The following USP40 variants were observed in gnomAD, a reference collection of about 807,000 sequenced individuals.
USP40 encodes the protein ubiquitin carboxyl-terminal hydrolase 40.
A neutral mutation model predicts 166.2 loss-of-function variants in USP40; 143 were observed. The ratio of observed to expected loss-of-function variants is 0.86; its 90% CI spans 0.75 to 0.99. The LOEUF (loss-of-function observed/expected upper bound fraction) is 0.99. USP40 is among the 50% of genes least tolerant of loss of function. USP40 has a pLI of 0.00. For missense variants in USP40, 1,444 were observed against 1,479.7 expected, an observed-to-expected ratio of 0.98 and a Z score of 0.40; for synonymous variants, 498 against 524.0, an observed-to-expected ratio of 0.95 and a Z score of 0.68.
Position 233,499,887 on chromosome 2 carries a change from C to T in USP40, c.2642G>A (p.Gly881Asp). ...DCLKLMLKKSGLQGDAWHLRK... is the reference protein window; with the variant it reads ...DCLKLMLKKSDLQGDAWHLRK... ...CATGGTAAGTAACTTACCTTGTAGG[C>T]CAGATTTCTTCAGCATTAACTTTAA... Residue 881 changes from glycine to aspartate, a missense_variant, in exon 22 of 32, where the codon GGC (glycine) becomes GAC (aspartate). Gly to Asp is a moderately conservative substitution (Grantham distance 94). Transcript: ENST00000678225. The T allele has an allele frequency of 6.2e-7, 1 of 1,611,410 alleles. No homozygotes were observed. The highest frequency in any genetic ancestry group is 2.2e-5 in the East Asian group (1 of 44,812).
intron 7 of USP40, among the ~76,000 whole-genome samples, chr2:233,550,083 CAA>C (rs2125350066): frequency 6.6e-6 from 1 of 152,214 alleles, no homozygotes; most frequent in Admixed American, 6.5e-5. Context: ...CGTCTAAACT[CAA>C]GTCAGTGCTC....
chr2:233,495,531 A>G (rs2065695925), intron 24 of USP40, among the ~76,000 whole-genome samples: 1 of 152,160 alleles, frequency 6.6e-6, no homozygotes, highest in Admixed American at 6.5e-5. Context: ...TACTGGAATT[A>G]CAGGCATCAG....
In USP40 at chr2:233,529,452, T is replaced by A; in HGVS notation, c.1532A>T (p.Asn511Ile). ...CHLLNEMDAA[N>I]IELQTKRAEC... Reference sequence around the variant, plus strand: ...TTACCTTTTGGTTTGCAGTTCAATGTTAGCTGCATCCATTTCATTCAGTAA... The same window carrying A: ...TTACCTTTTGGTTTGCAGTTCAATGATAGCTGCATCCATTTCATTCAGTAA... Residue 511 changes from asparagine (N) to isoleucine (I), a missense_variant, in exon 12 of 32, where the codon AAC (asparagine) becomes ATC (isoleucine). Coordinates refer to ENST00000678225, the MANE Select transcript of USP40 (RefSeq NM_001365479.2). The A allele has an allele frequency of 6.3e-7, 1 of 1,578,016 alleles. No homozygotes were observed. Among genetic ancestry groups the A allele is most frequent in the South Asian group, 1.2e-5 (1 of 86,362 alleles).
At chr2:233,533,253 T>A (rs2068682593) in intron 11 of USP40, among the ~76,000 whole-genome samples, 1 of 152,190 alleles carries the variant, frequency 6.6e-6, no homozygotes, top group Non-Finnish European at 1.5e-5. Context: ...GTAATGATGA[T>A]CTTACATTAT....
At chr2:233,552,531 T>C (rs2070673786) in intron 6 of USP40, among the ~76,000 whole-genome samples, 1 of 152,256 alleles carries the variant, frequency 6.6e-6, no homozygotes, top group East Asian at 1.9e-4. Flanking sequence ...CAAAAGGTTC[T>C]TATTTTGTAA....
At chr2:233,525,592 T>A in intron 13 of USP40, 30 bp from the exon 14 acceptor site, 2 of 1,548,336 alleles carry the variant, frequency 1.3e-6, no homozygotes, top group Non-Finnish European at 8.9e-7. Flanking sequence ...GAAAAGAGAA[T>A]GTTGAAAAGT....
intron 30 of USP40, among the ~76,000 whole-genome samples, chr2:233,483,518 T>C (rs78774545): frequency 0.055 from 8,341 of 152,182 alleles, 616 homozygotes; most frequent in African/African-American, 0.17. Flanking sequence ...AATCCTTAAC[T>C]TGAAGTCAAA....
At chr2:233,520,869 C>T (rs1055530571) in intron 17 of USP40, 122 bp downstream of exon 17, 1 of 1,063,076 alleles carries the variant, frequency 9.4e-7, no homozygotes, top group Non-Finnish European at 1.3e-6. Context: ...AAATAAAAAG[C>T]TGACTTCCTA....
chr2:233,482,088 G>A (rs1398798508), intron 30 of USP40, among the ~76,000 whole-genome samples: 1 of 152,206 alleles, frequency 6.6e-6, no homozygotes, highest in African/African-American at 2.4e-5. Context: ...CTCTGCAGGA[G>A]GGTCTGGCTA....
At position 233,494,978 on chromosome 2, in the gene USP40, A is replaced by AT. The variant is rs1559224554; in HGVS notation, c.2791-1428dup. Among the ~76,000 whole-genome samples the AT allele has an allele frequency of 3.7e-5, 4 of 107,080 alleles. 1 individual carries two copies. The highest frequency in any genetic ancestry group is 1.7e-4 in the African/African-American group (4 of 23,668). 70.2% of individuals were successfully genotyped at this position (107,080 alleles called of 152,430 possible). ...TATTTATATATATATATATATATAT[A>AT]TACACACACATAAAAAATAAATAAA... On this transcript the variant is annotated intron_variant, in intron 24 of 31. Transcript: ENST00000678225.
At position 233,493,581 on chromosome 2, in the gene USP40, G is replaced by T; in HGVS notation, c.2791-30C>A. 1 of 1,575,152 alleles carries T rather than the reference G, an allele frequency of 6.3e-7. No homozygotes were observed. The highest frequency in any genetic ancestry group is 8.6e-7 in the Non-Finnish European group (1 of 1,158,488). On this transcript the variant is annotated intron_variant, in intron 24 of 31. Coordinates refer to ENST00000678225, the MANE Select transcript of USP40 (RefSeq NM_001365479.2). The surrounding 1 kb of genome is among the most constrained non-coding windows in gnomAD (Gnocchi z 4.7). The stretch of plus-strand genomic sequence containing the variant: ...AGAATGGAGCATGTTTAACTGCTGT[G>T]ATTACAAAGATTAAGTGAAACTCTA...
intron 12 of USP40, among the ~76,000 whole-genome samples, 193 bp downstream of exon 12, chr2:233,529,238 A>T (rs1325281360): frequency 2.8e-4 from 42 of 152,072 alleles, no homozygotes; most frequent in Non-Finnish European, 2.9e-5. Context: ...CATTTAATTC[A>T]CTCTCACACA....
In USP40 at chr2:233,559,798, C is replaced by G. The variant is rs746184133; in HGVS notation, c.381+13G>C. 11 of 1,572,854 alleles carry G rather than the reference C, an allele frequency of 7.0e-6. No homozygotes were observed. The highest frequency in any genetic ancestry group is 9.5e-6 in the Non-Finnish European group (11 of 1,153,700). ...TTGCTGGTAACTCTTCCTTAAAGAG[C>G]TGATCCTCGTACCTCATTACTGGTC... On this transcript the variant is annotated intron_variant, in intron 4 of 31. Coordinates refer to ENST00000678225, the MANE Select transcript of USP40 (RefSeq NM_001365479.2).
In USP40 at chr2:233,491,237, T is replaced by A; in HGVS notation, c.2942A>T (p.Gln981Leu). The change falls in exon 26 of 32, where the codon CAA becomes CTA. Residue 981 changes from glutamine (Q) to leucine (L), a missense_variant. By Grantham distance (113) the Gln-to-Leu change is moderately radical. Coordinates refer to ENST00000678225, the MANE Select transcript of USP40 (RefSeq NM_001365479.2). Reference sequence around the variant, plus strand: ...GTCTCCCAAGTAGAGGAGAGAAACTTGCGCAGGCTCGTTCCCAGAAGCACC... The same window carrying A: ...GTCTCCCAAGTAGAGGAGAGAAACTAGCGCAGGCTCGTTCCCAGAAGCACC... ...SQGASGNEPA[Q>L]VSLLYLGDIE... is the part of the protein sequence containing the mutation. 1 of 1,612,270 alleles carries A rather than the reference T, an allele frequency of 6.2e-7. No homozygotes were observed. The highest frequency in any genetic ancestry group is 8.5e-7 in the Non-Finnish European group (1 of 1,179,208).
chr2:233,559,981 T>C, intron 3 of USP40, 57 bp from the exon 4 acceptor site: 1 of 1,326,960 alleles, frequency 7.5e-7, no homozygotes, highest in Non-Finnish European at 1.0e-6. Flanking sequence ...ACTAAGGCTT[T>C]TGAAAACAAC....
chr2:233,498,526 C>A, intron 23 of USP40, 22 bp downstream of exon 23: 1 of 1,602,004 alleles, frequency 6.2e-7, no homozygotes, highest in Non-Finnish European at 8.5e-7. Context: ...TACGAAAGTA[C>A]AATGTATAGA....
At chr2:233,520,635 A>G (rs1486253085) in intron 17 of USP40, among the ~76,000 whole-genome samples, 1 of 152,144 alleles carries the variant, frequency 6.6e-6, no homozygotes, top group East Asian at 1.9e-4. Flanking sequence ...AAACCAAAAC[A>G]TATGTATACT....
chr2:233,534,658 A>T (rs562447456), intron 10 of USP40, among the ~76,000 whole-genome samples: 1 of 152,220 alleles, frequency 6.6e-6, no homozygotes, highest in South Asian at 2.1e-4. Context: ...CATTGTTAAC[A>T]TTGTGTATGA....
At position 233,476,006 on chromosome 2, in the gene USP40, T is replaced by G. The variant is rs1196460903; in HGVS notation, c.*1386A>C. 6.6e-6 allele frequency: 1 copy of G among 152,356 alleles called. No homozygotes were observed. The allele number at this position is 152,356 out of a possible 1,614,324, so 9.4% of individuals were successfully genotyped here. ...GTGGGAGGCAGCTGCTAGTCAGAGT[T>G]GGGTCCTTAGGGCGCAGTGCTTCAC... On this transcript the variant is annotated 3_prime_UTR_variant, in exon 32 of 32. Coordinates refer to ENST00000678225, the MANE Select transcript of USP40 (RefSeq NM_001365479.2).
Sources: allele counts gnomAD v4.1 joint callset (sites outside exome capture counted in the v4.1 genomes callset), GRCh38; gene constraint gnomAD v4.1.1; non-coding constraint Gnocchi (gnomAD v3.1); transcripts MANE v1.5; gene names NCBI Gene and HGNC (gene_info 2026-07-23, HGNC 2026-07-21).